DCBLD2: variants seen among roughly 807,000 people sequenced by gnomAD.
DCBLD2 encodes the protein discoidin, CUB and LCCL domain-containing protein 2.
A neutral mutation model predicts 86.8 loss-of-function variants in DCBLD2; 54 were observed. The observed-to-expected ratio is 0.62, with a 90% CI of 0.50 to 0.78. The LOEUF (loss-of-function observed/expected upper bound fraction) is 0.78, where lower values mean the gene tolerates loss of function less well. Ranked by LOEUF, DCBLD2 falls within the 30% of genes least tolerant of loss-of-function variation. The pLI is 0.00. For missense variants in DCBLD2, 908 were observed against 954.2 expected (o/e 0.95, Z 0.64); for synonymous variants, 354 against 341.3 (o/e 1.04, Z -0.41).
intron 2 of DCBLD2, among the ~76,000 whole-genome samples, chr3:98,860,816 C>A (rs1239414310): frequency 6.6e-6 from 1 of 152,162 alleles, no homozygotes; most frequent in Non-Finnish European, 1.5e-5. Flanking sequence ...ACTGCATCAA[C>A]TAACAAGCAA....
chr3:98,869,348 C>T (rs528854812), intron 2 of DCBLD2, among the ~76,000 whole-genome samples: 1 of 152,264 alleles, frequency 6.6e-6, no homozygotes, highest in East Asian at 1.9e-4. Context: ...GACATTAGTC[C>T]TTTGTCAGAT....
chr3:98,839,183 C>CCTTTCTTT (rs1559781621), intron 3 of DCBLD2, among the ~76,000 whole-genome samples: 15 of 51,914 alleles, frequency 2.9e-4, no homozygotes, highest in African/African-American at 1.4e-3. Flanking sequence ...TTTCTTTCTT[C>CCTTTCTTT]CTTCCTTCCT....
chr3:98,876,412 T>TG (rs1943371360), intron 2 of DCBLD2, among the ~76,000 whole-genome samples: 1 of 47,534 alleles, frequency 2.1e-5, no homozygotes, highest in African/African-American at 1.1e-4. Context: ...AGATAAAAAG[T>TG]AAAAAAAAAA....
intron 8 of DCBLD2, among the ~76,000 whole-genome samples, chr3:98,818,149 C>T (rs933562178): frequency 2.0e-5 from 3 of 152,074 alleles, no homozygotes; most frequent in Non-Finnish European, 4.4e-5. Context: ...TTTATAACGT[C>T]GTAAAATAGA....
intron 10 of DCBLD2, among the ~76,000 whole-genome samples, chr3:98,811,966 T>C (rs1941947211): frequency 6.6e-6 from 1 of 152,202 alleles, no homozygotes; most frequent in Admixed American, 6.5e-5. Context: ...ATGTATAATA[T>C]TGAGATAAAT....
chr3:98,887,063 T>C (rs1943576403), intron 1 of DCBLD2, among the ~76,000 whole-genome samples: 1 of 152,012 alleles, frequency 6.6e-6, no homozygotes, highest in Non-Finnish European at 1.5e-5. Flanking sequence ...TATGCATTAC[T>C]GAATTTTAAT....
chr3:98,898,617 C>G (rs1943791419), intron 1 of DCBLD2, among the ~76,000 whole-genome samples: 1 of 152,018 alleles, frequency 6.6e-6, no homozygotes, highest in African/African-American at 2.4e-5. Flanking sequence ...TACCTTGTAG[C>G]TGAACATTAC....
chr3:98,893,723 G>C (rs1943702051), intron 1 of DCBLD2, among the ~76,000 whole-genome samples: 1 of 152,168 alleles, frequency 6.6e-6, no homozygotes, highest in Non-Finnish European at 1.5e-5. Flanking sequence ...CAGATATAAA[G>C]TAAAAGTGCC....
chr3:98,839,143 C>CTTT, intron 3 of DCBLD2, among the ~76,000 whole-genome samples: 5 of 11,774 alleles, frequency 4.2e-4, no homozygotes, highest in African/African-American at 9.8e-4. Flanking sequence ...TTCCTTCCTT[C>CTTT]CTTCTTTCTT....
chr3:98,830,085 TTTC>T (rs754622574), intron 3 of DCBLD2, among the ~76,000 whole-genome samples: 5 of 152,146 alleles, frequency 3.3e-5, no homozygotes, highest in Non-Finnish European at 7.4e-5. Flanking sequence ...CTTTTTAATG[TTTC>T]TTTTTTCTTG....
intron 3 of DCBLD2, among the ~76,000 whole-genome samples, chr3:98,830,468 T>A (rs1157560888): frequency 2.0e-5 from 3 of 152,248 alleles, no homozygotes; most frequent in African/African-American, 7.2e-5. Flanking sequence ...TAGCCAGTTA[T>A]CCCAGCACCA....
chr3:98,850,687 A>G (rs886806635), intron 2 of DCBLD2, among the ~76,000 whole-genome samples: 3 of 152,202 alleles, frequency 2.0e-5, no homozygotes, highest in Non-Finnish European at 4.4e-5. Flanking sequence ...ACCTCCAAGG[A>G]TATCATTTTC....
At position 98,901,430 on chromosome 3, in the gene DCBLD2, A is replaced by G. The variant is rs2107539817; in HGVS notation, c.-104T>C. The G allele has an allele frequency of 1.7e-6, 2 of 1,169,718 alleles. No individual in the cohort carries two copies. Among genetic ancestry groups the G allele is most frequent in the Admixed American group, 4.4e-5 (1 of 22,954 alleles). 72.5% of individuals were successfully genotyped at this position (1,169,718 alleles called of 1,614,324 possible). A position where few individuals can be genotyped will look rare whatever the true frequency, so the allele number is the denominator to read the frequency against. ...GAGACGGCGGCAGCGGCGGGAGAAC[A>G]AGAGGCAGCCCTCGCCTCACCCCGC... On this transcript the variant is annotated 5_prime_UTR_variant, in exon 1 of 16. Coordinates refer to ENST00000326840, the MANE Select transcript of DCBLD2 (RefSeq NM_080927.4).
intron 3 of DCBLD2, among the ~76,000 whole-genome samples, chr3:98,841,455 A>G (rs1032141639): frequency 1.3e-5 from 2 of 152,240 alleles, no homozygotes; most frequent in Admixed American, 6.5e-5. Context: ...TAAACTTGAA[A>G]TCTTATGTTG....
intron 1 of DCBLD2, among the ~76,000 whole-genome samples, chr3:98,897,048 T>C (rs1011513005): frequency 6.6e-6 from 1 of 152,222 alleles, no homozygotes; most frequent in African/African-American, 2.4e-5. Flanking sequence ...CCCACATACA[T>C]GATCTATTAA....
chr3:98,865,302 C>A (rs1195379887), intron 2 of DCBLD2, among the ~76,000 whole-genome samples: 3 of 151,632 alleles, frequency 2.0e-5, no homozygotes, highest in East Asian at 3.9e-4. Flanking sequence ...AAAAAGAAAC[C>A]CTGACATTTC....
At chr3:98,844,481 C>A (rs1227584735) in intron 3 of DCBLD2, among the ~76,000 whole-genome samples, 6 of 151,964 alleles carry the variant, frequency 3.9e-5, no homozygotes, top group Non-Finnish European at 7.4e-5. Context: ...CCTGCCTCAG[C>A]CCCCTGAGTA....
rs1487588121 is a variant in DCBLD2, at chr3:98,811,571, G to A, written c.1364-17C>T. On this transcript the variant is annotated splice_polypyrimidine_tract_variant and intron_variant, in intron 10 of 15. Coordinates refer to ENST00000326840, the MANE Select transcript of DCBLD2 (RefSeq NM_080927.4). Reference sequence around the variant, plus strand: ...GAGGACGACCTTGAAAAATGGTTTAGAAAAATTTAAACATTTTGTTTTTAA... The same window carrying A: ...GAGGACGACCTTGAAAAATGGTTTAAAAAAATTTAAACATTTTGTTTTTAA... 2 of 1,549,250 alleles carry A rather than the reference G, an allele frequency of 1.3e-6. No homozygotes were observed. Among genetic ancestry groups the A allele is most frequent in the South Asian group, 1.2e-5 (1 of 81,332 alleles).
chr3:98,878,494 A>G (rs1369480164), intron 2 of DCBLD2, among the ~76,000 whole-genome samples: 1 of 106,026 alleles, frequency 9.4e-6, no homozygotes, highest in African/African-American at 4.0e-5. Context: ...AACATGATAT[A>G]GGGGGAAAAA....
Sources: gnomAD v4.1 joint callset for allele counts (sites outside exome capture counted in the v4.1 genomes callset) on GRCh38, gnomAD v4.1.1 for gene constraint, MANE v1.5 for transcripts, NCBI Gene and HGNC (gene_info 2026-07-23, HGNC 2026-07-21) for gene names.